FAAH2: variants seen among roughly 807,000 people sequenced by gnomAD.
The protein encoded by FAAH2 is fatty acid amide hydrolase 2.
FAAH2 carries 60 observed loss-of-function variants against 36.9 expected under a neutral mutation model. The observed-to-expected ratio is 1.63, with a 90% CI of 1.32 to 2.02. FAAH2 has a LOEUF of 2.02. FAAH2 is among the 30% of genes most tolerant of loss of function. The probability of loss-of-function intolerance (pLI) is 0.00; values close to 1 mark genes in which losing one functional copy is unlikely to be tolerated. For missense variants in FAAH2, 689 were observed against 397.5 expected, an observed-to-expected ratio of 1.73 and a Z score of -6.23; for synonymous variants, 214 against 143.8, an observed-to-expected ratio of 1.49 and a Z score of -3.49.
the FAAH2 span, among the ~76,000 whole-genome samples, chrX:57,211,700 A>C: frequency 8.9e-6 from 1 of 111,859 alleles, no homozygotes; most frequent in East Asian, 2.8e-4. Context: ...TGACCACTAC[A>C]GCCACCATCA....
intron 10 of FAAH2, among the ~76,000 whole-genome samples, chrX:57,456,832 C>T (rs1436116867): frequency 9.0e-6 from 1 of 111,097 alleles, no homozygotes; most frequent in African/African-American, 3.3e-5. Flanking sequence ...AGCCCAGGAC[C>T]ATGGATTCAC....
the FAAH2 span, among the ~76,000 whole-genome samples, chrX:57,244,091 G>A: frequency 2.8e-5 from 3 of 107,533 alleles, no homozygotes; most frequent in Non-Finnish European, 1.9e-5. Flanking sequence ...TGAGAACTTC[G>A]TGAAGCATAC....
the FAAH2 span, among the ~76,000 whole-genome samples, chrX:57,195,500 G>T: frequency 1.3e-4 from 15 of 111,522 alleles, no homozygotes; most frequent in African/African-American, 4.9e-4. Flanking sequence ...GTGGATTCTA[G>T]GTATTAGTCC....
At chrX:57,176,079 C>A in the FAAH2 span, among the ~76,000 whole-genome samples, 3 of 111,407 alleles carry the variant, frequency 2.7e-5, no homozygotes, top group African/African-American at 9.8e-5. Context: ...AATTAATCTC[C>A]CATGAGTTTT....
At position 57,310,614 on chromosome X, in the gene FAAH2, G is replaced by A. The variant is rs767816371; in HGVS notation, c.297G>A (p.Glu99=). The A allele has an allele frequency of 1.6e-5, 19 of 1,205,236 alleles. No homozygotes were observed. In the South Asian group the frequency reaches 3.4e-4, roughly 22 times the overall value. ...VKYRFEEAMK[E]AHAVDQKLAE... ...TTAGGTTTGAGGAAGCGATGAAGGA[G>A]GCTCATGCTGTAGATCAAAAGCTTG... is the stretch of plus-strand genomic sequence containing the variant. Residue 99 remains glutamate (E), a synonymous_variant, in exon 3 of 11, where the codon GAG becomes GAA. Transcript: ENST00000374900.
chrX:57,314,822 T>C (rs1031151806), intron 3 of FAAH2, among the ~76,000 whole-genome samples: 3 of 111,556 alleles, frequency 2.7e-5, no homozygotes, highest in African/African-American at 6.5e-5. Flanking sequence ...TAAATCCTTC[T>C]TCAAGAAGTT....
chrX:57,350,923 G>A (rs1048741676), intron 5 of FAAH2, among the ~76,000 whole-genome samples: 1 of 111,115 alleles, frequency 9.0e-6, no homozygotes, highest in East Asian at 2.8e-4. Flanking sequence ...ACAATATTAG[G>A]CAGATTGTCA....
chrX:57,377,838 TCTC>T (rs1468600475), intron 5 of FAAH2, among the ~76,000 whole-genome samples: 2 of 112,122 alleles, frequency 1.8e-5, no homozygotes, highest in African/African-American at 6.5e-5. Flanking sequence ...GGTTTGTACT[TCTC>T]CTTGAAGAGG....
At chrX:57,331,514 T>G in intron 3 of FAAH2, 84 bp from the exon 4 acceptor site, 1 of 786,882 alleles carries the variant, frequency 1.3e-6, no homozygotes, top group Non-Finnish European at 1.8e-6. Context: ...TCTGGCTACA[T>G]CTAGTTGGCC....
intron 5 of FAAH2, among the ~76,000 whole-genome samples, chrX:57,378,324 C>A (rs2054739917): frequency 9.0e-6 from 1 of 111,249 alleles, no homozygotes; most frequent in African/African-American, 3.3e-5. Context: ...CTAACTAGTC[C>A]TTTTCCATAT....
intron 1 of FAAH2, chrX:57,290,198 CTTTTT>C: frequency 7.2e-6 from 4 of 555,306 alleles, no homozygotes; most frequent in African/African-American, 2.7e-5. Flanking sequence ...CTAACCCCTG[CTTTTT>C]TTTTTTTTTT....
intron 3 of FAAH2, among the ~76,000 whole-genome samples, chrX:57,317,118 C>T (rs931086993): frequency 5.4e-5 from 6 of 111,390 alleles, no homozygotes; most frequent in Non-Finnish European, 1.1e-4. Context: ...AGACAAGTGG[C>T]CAACAAATAT....
chrX:57,334,896 T>C (rs1391568386), intron 4 of FAAH2, among the ~76,000 whole-genome samples: 2 of 111,494 alleles, frequency 1.8e-5, no homozygotes, highest in Non-Finnish European at 3.8e-5. Flanking sequence ...CACACAATTA[T>C]AGTGGGAGAA....
intron 10 of FAAH2, among the ~76,000 whole-genome samples, chrX:57,479,655 C>T (rs968148101): frequency 7.2e-5 from 8 of 111,272 alleles, no homozygotes; most frequent in Admixed American, 9.6e-5. Context: ...TTTTGAGATA[C>T]GTCCCATCAA....
the FAAH2 span, among the ~76,000 whole-genome samples, chrX:57,249,644 A>G: frequency 2.7e-5 from 3 of 112,147 alleles, no homozygotes; most frequent in African/African-American, 9.7e-5. Flanking sequence ...AGTTACAGAA[A>G]TAAACTCTCT....
intron 8 of FAAH2, among the ~76,000 whole-genome samples, chrX:57,444,571 C>T: frequency 9.0e-6 from 1 of 111,328 alleles, no homozygotes; most frequent in African/African-American, 3.3e-5. Context: ...TGAGAGGATG[C>T]CCCACCCTGC....
the FAAH2 span, among the ~76,000 whole-genome samples, chrX:57,260,007 A>G: frequency 8.9e-6 from 1 of 111,893 alleles, no homozygotes; most frequent in African/African-American, 3.2e-5. Context: ...ATTTGTTTAT[A>G]TTAGTATTTG....
chrX:57,330,705 C>A (rs1227217999), intron 3 of FAAH2, among the ~76,000 whole-genome samples: 1 of 111,579 alleles, frequency 9.0e-6, no homozygotes, highest in East Asian at 2.8e-4. Flanking sequence ...AGATGCCCAG[C>A]TTTAAAATTT....
chrX:57,304,348 C>T (rs747380925), intron 2 of FAAH2, among the ~76,000 whole-genome samples: 1 of 112,094 alleles, frequency 8.9e-6, no homozygotes, highest in East Asian at 2.8e-4. Flanking sequence ...TCCCACAAAC[C>T]AGTAAGTCTT....
Sources: allele counts gnomAD v4.1 joint callset (sites outside exome capture counted in the v4.1 genomes callset), GRCh38; gene constraint gnomAD v4.1.1; transcripts MANE v1.5; gene names NCBI Gene and HGNC (gene_info 2026-07-23, HGNC 2026-07-21).